Variants in GRIP1 observed in about 807,000 individuals in gnomAD.
GRIP1 encodes glutamate receptor-interacting protein 1.
Under a neutral mutation model 129.9 loss-of-function variants are expected in GRIP1, and 45 were observed. That is an observed-to-expected ratio of 0.35 (90% CI 0.27 to 0.44). The LOEUF (loss-of-function observed/expected upper bound fraction) is 0.44, where lower values mean the gene tolerates loss of function less well. Among genes scored for constraint, GRIP1 ranks in the 20% least tolerant of loss-of-function variants. The pLI, the probability that GRIP1 is intolerant of heterozygous loss-of-function variation, is 1.00. For missense variants in GRIP1, 1,196 were observed against 1,396.8 expected (o/e 0.86, Z 2.29); for synonymous variants, 530 against 520.8 (o/e 1.02, Z -0.24).
chr12:66,772,060 T>C (rs921867503), intron 1 of GRIP1, among the ~76,000 whole-genome samples: 1 of 152,196 alleles, frequency 6.6e-6, no homozygotes, highest in South Asian at 2.1e-4. Context: ...ATATTTTACA[T>C]GGTTATCTCA....
At chr12:66,775,020 G>A (rs1026583374) in intron 1 of GRIP1, among the ~76,000 whole-genome samples, 3 of 152,156 alleles carry the variant, frequency 2.0e-5, no homozygotes, top group African/African-American at 4.8e-5. Context: ...TTGCAAAGAT[G>A]ATTTGGAAAG....
intron 16 of GRIP1, among the ~76,000 whole-genome samples, chr12:66,399,712 A>C (rs542945020): frequency 6.6e-6 from 1 of 151,932 alleles, no homozygotes; most frequent in Non-Finnish European, 1.5e-5. Context: ...AACAAAATGA[A>C]TGCTATCTGG....
intron 1 of GRIP1, among the ~76,000 whole-genome samples, chr12:66,909,132 C>T (rs2040986750): frequency 6.6e-6 from 1 of 151,990 alleles, no homozygotes; most frequent in Non-Finnish European, 1.5e-5. Context: ...TGAAAAATCT[C>T]CTTCCTTCTC....
At chr12:66,965,141 G>A (rs565683214) in intron 1 of GRIP1, among the ~76,000 whole-genome samples, 1 of 152,068 alleles carries the variant, frequency 6.6e-6, no homozygotes, top group South Asian at 2.1e-4. Context: ...TTCTATAATC[G>A]ATTCATTACC....
intron 8 of GRIP1, 21 bp from the exon 9 acceptor site, chr12:66,463,114 C>A: frequency 1.2e-6 from 2 of 1,606,114 alleles, no homozygotes. Context: ...GAGAAATACT[C>A]GGTAAGAGGC....
intron 2 of GRIP1, among the ~76,000 whole-genome samples, chr12:66,582,540 T>C (rs1311612979): frequency 2.9e-4 from 41 of 143,304 alleles, no homozygotes; most frequent in Admixed American, 5.7e-4. Flanking sequence ...CTTAAGCTGA[T>C]AAGCAACTTC....
intron 1 of GRIP1, among the ~76,000 whole-genome samples, chr12:66,634,468 T>C (rs1490025989): frequency 1.3e-5 from 2 of 152,194 alleles, no homozygotes. Context: ...TGGCTTTCCA[T>C]TTACAGTGCT....
At chr12:66,429,721 A>T (rs1277162559) in intron 14 of GRIP1, among the ~76,000 whole-genome samples, 1 of 152,102 alleles carries the variant, frequency 6.6e-6, no homozygotes, top group African/African-American at 2.4e-5. Context: ...AATAAATAAT[A>T]TAATATTTCA....
rs1356902541 is a variant in GRIP1 at position 66,783,637 on chromosome 12, G to A, written c.-420+20416C>T. Among the ~76,000 whole-genome samples the A allele has an allele frequency of 2.0e-5, 3 of 152,072 alleles. No homozygotes were observed. In the East Asian group the frequency reaches 5.8e-4, roughly 29 times the overall value. ...TTGATAAGCAGGGTTAAAAATTCAT[G>A]GCCAACACATCGATTTTACAGTTTT... On this transcript the variant is annotated intron_variant, in intron 1 of 4. Coordinates refer to the GRIP1 transcript ENST00000538373.
intron 2 of GRIP1, among the ~76,000 whole-genome samples, chr12:66,592,031 G>C (rs921717827): frequency 2.0e-5 from 3 of 152,116 alleles, no homozygotes; most frequent in Non-Finnish European, 4.4e-5. Flanking sequence ...TAGTGTAAAA[G>C]TCACACTATA....
intron 9 of GRIP1, among the ~76,000 whole-genome samples, chr12:66,458,871 A>ATGAC (rs1447619696): frequency 6.6e-6 from 1 of 152,110 alleles, no homozygotes; most frequent in Non-Finnish European, 1.5e-5. Context: ...AGTTGTTTGT[A>ATGAC]TGACTGCCTC....
At chr12:66,927,000 G>A (rs1316085284) in intron 1 of GRIP1, among the ~76,000 whole-genome samples, 2 of 152,202 alleles carry the variant, frequency 1.3e-5, no homozygotes, top group Non-Finnish European at 2.9e-5. Flanking sequence ...CTATGTGTTA[G>A]GTGCTACGCT....
chr12:66,437,148 A>G (rs2058334534), intron 13 of GRIP1, among the ~76,000 whole-genome samples: 1 of 152,220 alleles, frequency 6.6e-6, no homozygotes, highest in African/African-American at 2.4e-5. Context: ...CTGAGGCAGA[A>G]TTTTGGAAAC....
At chr12:66,697,732 A>T (rs1751287474) in intron 1 of GRIP1, among the ~76,000 whole-genome samples, 1 of 152,208 alleles carries the variant, frequency 6.6e-6, no homozygotes, top group South Asian at 2.1e-4. Flanking sequence ...ACTAAATTCC[A>T]GGAGAGAAGG....
chr12:66,982,633 A>G (rs541830865), intron 1 of GRIP1, among the ~76,000 whole-genome samples: 1 of 152,178 alleles, frequency 6.6e-6, no homozygotes, highest in Non-Finnish European at 1.5e-5. Context: ...TTTCAGTCCA[A>G]CAACGCTTTA....
At chr12:66,776,540 G>A (rs1566016643) in intron 1 of GRIP1, among the ~76,000 whole-genome samples, 1 of 152,160 alleles carries the variant, frequency 6.6e-6, no homozygotes, top group Non-Finnish European at 1.5e-5. Flanking sequence ...GGGAGAGGGT[G>A]TAAAAAAATA....
intron 1 of GRIP1, among the ~76,000 whole-genome samples, chr12:66,631,549 A>AT (rs961800785): frequency 6.6e-6 from 1 of 152,142 alleles, no homozygotes; most frequent in African/African-American, 2.4e-5. Context: ...GAGTGTACCC[A>AT]TTTTCATTGC....
chr12:66,910,170 C>T (rs2041005300), intron 1 of GRIP1, among the ~76,000 whole-genome samples: 1 of 152,136 alleles, frequency 6.6e-6, no homozygotes, highest in Admixed American at 6.6e-5. Context: ...CAGGACACAT[C>T]TCTTCCTAGC....
At chr12:66,589,548 A>G (rs764552574) in intron 2 of GRIP1, among the ~76,000 whole-genome samples, 3 of 152,186 alleles carry the variant, frequency 2.0e-5, no homozygotes, top group Non-Finnish European at 4.4e-5. Flanking sequence ...ATATTGATGG[A>G]TGCAAGATGA....
Sources: allele counts gnomAD v4.1 joint callset (sites outside exome capture counted in the v4.1 genomes callset), GRCh38; gene constraint gnomAD v4.1.1; transcripts MANE v1.5; gene names NCBI Gene and HGNC (gene_info 2026-07-23, HGNC 2026-07-21).